DMD: variants seen among roughly 807,000 people sequenced by gnomAD.
DMD encodes the protein mutant dystrophin.
In DMD, 63 loss-of-function variants were observed where a neutral mutation model predicts 330.1. That is an observed-to-expected ratio of 0.19 (90% CI 0.16 to 0.24). DMD has a LOEUF of 0.24. DMD is among the 10% of genes least tolerant of loss of function. DMD has a pLI of 1.00. For missense variants in DMD, 3,344 were observed against 2,684.1 expected, an observed-to-expected ratio of 1.25 and a Z score of -5.43; for synonymous variants, 1,223 against 959.8, an observed-to-expected ratio of 1.27 and a Z score of -5.07.
At chrX:32,178,963 T>TCTCTCTCTCTCTCTCTCC (rs2096917076) in intron 44 of DMD, among the ~76,000 whole-genome samples, 1 of 103,577 alleles carries the variant, frequency 9.7e-6, no homozygotes, top group Non-Finnish European at 2.0e-5. Flanking sequence ...TCTCTCTCTC[T>TCTCTCTCTCTCTCTCTCC]CTCTCTCTCT....
intron 5 of DMD, among the ~76,000 whole-genome samples, chrX:32,822,680 CATT>C (rs2078371464): frequency 9.2e-6 from 1 of 109,232 alleles, no homozygotes; most frequent in Non-Finnish European, 1.9e-5. Context: ...TATATAGACA[CATT>C]ATATATATAC....
chrX:33,032,556 A>C (rs2094134032), intron 1 of DMD, among the ~76,000 whole-genome samples: 1 of 112,157 alleles, frequency 8.9e-6, no homozygotes, highest in Non-Finnish European at 1.9e-5. Flanking sequence ...AATGGGTTTT[A>C]AATGAAGTAT....
chrX:32,699,029 AT>A, intron 8 of DMD, 82 bp downstream of exon 8: 1 of 797,623 alleles, frequency 1.3e-6, no homozygotes, highest in South Asian at 2.1e-5. Flanking sequence ...CATATAAGTT[AT>A]ATATATATGT....
chrX:32,640,982 C>A (rs186466990), intron 11 of DMD, among the ~76,000 whole-genome samples: 2 of 111,572 alleles, frequency 1.8e-5, no homozygotes, highest in East Asian at 5.7e-4. Flanking sequence ...TCTACAGTCC[C>A]CCTGGCCTTT....
intron 2 of DMD, among the ~76,000 whole-genome samples, chrX:32,872,294 AT>A (rs1202776811): frequency 9.0e-6 from 1 of 111,696 alleles, no homozygotes; most frequent in Non-Finnish European, 1.9e-5. Context: ...ACTTTGATCA[AT>A]TTGCGTCCAT....
chrX:31,700,433 G>A (rs769158723), intron 52 of DMD, among the ~76,000 whole-genome samples: 1 of 112,037 alleles, frequency 8.9e-6, no homozygotes, highest in African/African-American at 3.2e-5. Flanking sequence ...TCAACAGACT[G>A]TCAAAGACCA....
chrX:31,371,421 G>A (rs1406718928), intron 60 of DMD, among the ~76,000 whole-genome samples: 2 of 111,371 alleles, frequency 1.8e-5, no homozygotes, highest in Non-Finnish European at 3.8e-5. Flanking sequence ...CTTCAATGGC[G>A]AATAATTTTT....
At chrX:31,716,990 C>T (rs887718565) in intron 52 of DMD, among the ~76,000 whole-genome samples, 4 of 110,550 alleles carry the variant, frequency 3.6e-5, no homozygotes, top group African/African-American at 1.3e-4. Flanking sequence ...TGGATTAAAT[C>T]CTGGTTCCGC....
At chrX:31,816,794 T>TCACACACACA (rs759346277) in intron 50 of DMD, among the ~76,000 whole-genome samples, 1,140 of 85,346 alleles carry the variant, frequency 0.013, 28 homozygotes, top group African/African-American at 0.048. Context: ...CAAGATTCTG[T>TCACACACACA]CACACACACA....
At chrX:31,548,280 T>C (rs1179615160) in intron 55 of DMD, among the ~76,000 whole-genome samples, 2 of 111,683 alleles carry the variant, frequency 1.8e-5, no homozygotes, top group African/African-American at 6.5e-5. Flanking sequence ...ACAGACCTGC[T>C]AAATCAGAAT....
At chrX:32,234,665 C>T (rs1044925678) in intron 43 of DMD, among the ~76,000 whole-genome samples, 3 of 112,148 alleles carry the variant, frequency 2.7e-5, no homozygotes, top group Admixed American at 9.5e-5. Flanking sequence ...TTCCTTCCTC[C>T]GATCCATCCA....
intron 60 of DMD, among the ~76,000 whole-genome samples, chrX:31,413,850 T>G (rs773087824): frequency 9.3e-6 from 1 of 107,330 alleles, no homozygotes; most frequent in South Asian, 4.1e-4. Context: ...AAAAAGCCAG[T>G]TAAGTTGGCA....
chrX:32,571,686 C>T (rs997485364), intron 15 of DMD, among the ~76,000 whole-genome samples: 52 of 111,865 alleles, frequency 4.6e-4, no homozygotes, highest in African/African-American at 1.3e-3. Context: ...ACATTTTACA[C>T]GGAATATATC....
intron 47 of DMD, among the ~76,000 whole-genome samples, chrX:31,882,263 C>T (rs983994021): frequency 9.0e-6 from 1 of 111,495 alleles, no homozygotes; most frequent in Admixed American, 9.6e-5. Context: ...TATAGCGTTT[C>T]CTAATTTATA....
At chrX:31,721,714 C>CTATATATA (rs1381619508) in intron 52 of DMD, among the ~76,000 whole-genome samples, 2 of 60,720 alleles carry the variant, frequency 3.3e-5, no homozygotes, top group African/African-American at 5.8e-5. Context: ...CTCTCTCTCT[C>CTATATATA]TCTCTATATA....
intron 56 of DMD, among the ~76,000 whole-genome samples, chrX:31,506,820 G>A (rs916826932): frequency 1.8e-5 from 2 of 112,150 alleles, no homozygotes; most frequent in African/African-American, 6.5e-5. Context: ...CCTCTAAACT[G>A]TTAATTATAA....
At chrX:31,128,100 C>T (rs1212731878) in intron 77 of DMD, among the ~76,000 whole-genome samples, 1 of 111,802 alleles carries the variant, frequency 8.9e-6, no homozygotes, top group Non-Finnish European at 1.9e-5. Context: ...ATCATTCTTT[C>T]CTTGATGGCT....
intron 2 of DMD, among the ~76,000 whole-genome samples, chrX:32,937,841 A>T (rs1233551447): frequency 9.0e-6 from 1 of 110,902 alleles, no homozygotes; most frequent in East Asian, 2.8e-4. Context: ...AGATTTCTGG[A>T]GTAAAACAGG....
intron 4 of DMD, among the ~76,000 whole-genome samples, chrX:32,833,751 C>A (rs1298472185): frequency 1.9e-5 from 2 of 103,591 alleles, no homozygotes; most frequent in African/African-American, 7.0e-5. Flanking sequence ...ACTTGAGTGA[C>A]ATTATAAGAA....
Sources: allele counts gnomAD v4.1 joint callset (sites outside exome capture counted in the v4.1 genomes callset), GRCh38; gene constraint gnomAD v4.1.1; transcripts MANE v1.5; gene names NCBI Gene and HGNC (gene_info 2026-07-23, HGNC 2026-07-21).